The following WSB2 variants were observed in gnomAD, a reference collection of about 807,000 sequenced individuals.
WSB2 encodes the protein WD repeat and SOCS box containing 2.
A neutral mutation model predicts 48.8 loss-of-function variants in WSB2; 12 were observed. The observed-to-expected ratio is 0.25, with a 90% CI of 0.16 to 0.40. The LOEUF (loss-of-function observed/expected upper bound fraction) is 0.40. WSB2 is among the 10% of genes least tolerant of loss of function. The pLI is 1.00. For synonymous variants in WSB2, 191 were observed against 203.1 expected (o/e 0.94, Z 0.51); for missense variants, 317 against 506.2 (o/e 0.63, Z 3.59).
At chr12:118,056,492 GA>G (rs1426165422) in intron 1 of WSB2, among the ~76,000 whole-genome samples, 4 of 152,158 alleles carry the variant, frequency 2.6e-5, no homozygotes, top group Non-Finnish European at 5.9e-5. Context: ...CAACTCCAGG[GA>G]GCAAGAACTT....
In WSB2 at chr12:118,035,007, T is replaced by C. The variant is rs1349876333; in HGVS notation, c.1031A>G (p.His344Arg). 2 of 1,613,958 alleles carry C rather than the reference T, an allele frequency of 1.2e-6. No homozygotes were observed. The highest frequency in any genetic ancestry group is 2.7e-5 in the African/African-American group (2 of 74,896). ...TNGLCCTFFP[H>R]GGVIATGTRD... is the part of the protein sequence containing the mutation. ...ATACCCTGTGGCAATGACTCCACCA[T>C]GTGGAAAAAATGTGCAGCAAAGCCC... is the stretch of plus-strand genomic sequence containing the variant. Residue 344 changes from histidine (H) to arginine (R), a missense_variant, in exon 8 of 9, where the codon CAT becomes CGT. Physicochemically the swap from His to Arg is conservative, Grantham distance 29. Transcript: ENST00000315436.
In WSB2 at chr12:118,035,225, C is replaced by T. The variant is rs1197411067; in HGVS notation, c.933G>A (p.Val311=). ...FSPEGLYLAT[V]ADDRLLRIWA... is the part of the protein sequence containing the mutation. ...GTTCTCTTCGTTACCTGTCATCTGC[C>T]ACCGTGGCAAGGTACAAGCCTTCTG... is the stretch of plus-strand genomic sequence containing the variant. Residue 311 remains valine (V), a synonymous_variant, in exon 7 of 9, where the codon GTG becomes GTA. Transcript: ENST00000315436. The T allele has an allele frequency of 6.2e-7, 1 of 1,614,176 alleles. No homozygotes were observed. The highest frequency in any genetic ancestry group is 8.5e-7 in the Non-Finnish European group (1 of 1,180,034).
chr12:118,034,357 T>A lies in WSB2; in HGVS notation c.1054A>T (p.Thr352Ser), dbSNP rs1356800072. Residue 352 changes from threonine (T) to serine (S), a missense_variant and splice_region_variant, in exon 9 of 9, where the codon ACA becomes TCA. Transcript: ENST00000315436. ...FPHGGVIATG[T>S]RDGHVQFWTA... ...CAGAACTGGACGTGGCCATCTCTTGTCCTAAAATGAAACAGAAACCGATGC... is the reference window on the plus strand; with the variant it reads ...CAGAACTGGACGTGGCCATCTCTTGACCTAAAATGAAACAGAAACCGATGC... 6.2e-7 allele frequency: 1 copy of A among 1,613,194 alleles called. No homozygotes were observed. The highest frequency in any genetic ancestry group is 8.5e-7 in the Non-Finnish European group (1 of 1,179,368).
Position 118,034,364 on chromosome 12 carries a change from A to G in WSB2, c.1053-6T>C, listed in dbSNP as rs1462930585. On this transcript the variant is annotated splice_polypyrimidine_tract_variant and splice_region_variant and intron_variant, in intron 8 of 8. Transcript: ENST00000315436. ...GGACGTGGCCATCTCTTGTCCTAAA[A>G]TGAAACAGAAACCGATGCTAAGACA... The G allele has an allele frequency of 7.4e-6, 12 of 1,612,958 alleles. No homozygotes were observed. Among genetic ancestry groups the G allele is most frequent in the Non-Finnish European group, 1.0e-5 (12 of 1,179,254 alleles).
intron 2 of WSB2, among the ~76,000 whole-genome samples, chr12:118,047,638 A>G (rs975899497): frequency 4.6e-5 from 7 of 152,174 alleles, no homozygotes; most frequent in African/African-American, 1.7e-4. Flanking sequence ...ACTTGAGACA[A>G]GGAGTTCAAG....
intron 1 of WSB2, 150 bp from the exon 2 acceptor site, chr12:118,052,628 AGCCACAG>A (rs2031876644): frequency 8.5e-7 from 1 of 1,178,880 alleles, no homozygotes; most frequent in African/African-American, 1.5e-5. Flanking sequence ...CAATAACAGC[AGCCACAG>A]GCCACATTCC....
intron 1 of WSB2, among the ~76,000 whole-genome samples, chr12:118,053,441 T>C (rs2031893018): frequency 6.6e-6 from 1 of 152,206 alleles, no homozygotes; most frequent in African/African-American, 2.4e-5. Flanking sequence ...GATCTCACAC[T>C]ATCAAAACGG....
At chr12:118,056,644 T>C (rs1202575320) in intron 1 of WSB2, among the ~76,000 whole-genome samples, 2 of 152,184 alleles carry the variant, frequency 1.3e-5, no homozygotes, top group African/African-American at 2.4e-5. Context: ...CTCATGCTTG[T>C]AATCCCAACA....
At chr12:118,034,688 T>G (rs1264105350) in intron 8 of WSB2, 1 of 494,848 alleles carries the variant, frequency 2.0e-6, no homozygotes, top group East Asian at 3.5e-5. Context: ...TGTAAAGTGG[T>G]CTTTTAGCCC....
chr12:118,043,311 T>C lies in WSB2; in HGVS notation c.249A>G (p.Pro83=), dbSNP rs200081022. The C allele has an allele frequency of 3.2e-4, 522 of 1,611,282 alleles. 1 individual carries two copies. The highest frequency in any genetic ancestry group is 4.1e-4 in the Non-Finnish European group (489 of 1,178,444). ...GACCACAGTCCAGCGTCTTCTCTTTTGGGCTGCCCCGCCCTTTCGTCTCAT... is the reference window on the plus strand; with the variant it reads ...GACCACAGTCCAGCGTCTTCTCTTTCGGGCTGCCCCGCCCTTTCGTCTCAT... ...SKNETKGRGS[P]KEKTLDCGQI... is the part of the protein sequence containing the mutation. The change falls in exon 3 of 9, where the codon CCA becomes CCG. Residue 83 remains proline, a synonymous_variant. Transcript: ENST00000315436.
At chr12:118,062,037 G>T (rs1324919961), upstream of WSB2, 7 of 1,484,150 alleles carry the variant, frequency 4.7e-6, no homozygotes, top group Non-Finnish European at 5.4e-6. Context: ...CCGGAGTGGG[G>T]GTGGGAACGA....
chr12:118,042,718 T>G (rs1003768623), intron 4 of WSB2, 123 bp downstream of exon 4: 22 of 1,489,410 alleles, frequency 1.5e-5, no homozygotes, highest in Non-Finnish European at 1.8e-5. Flanking sequence ...AAAGGCTCCT[T>G]AAGGGGCAAT....
intron 1 of WSB2, among the ~76,000 whole-genome samples, chr12:118,055,174 T>C (rs945445573): frequency 6.6e-6 from 1 of 152,208 alleles, no homozygotes; most frequent in Non-Finnish European, 1.5e-5. Context: ...GCTATTTCTA[T>C]AGACCCAGGG....
chr12:118,057,671 A>G (rs1456373067), intron 1 of WSB2, among the ~76,000 whole-genome samples: 1 of 152,076 alleles, frequency 6.6e-6, no homozygotes, highest in African/African-American at 2.4e-5. Flanking sequence ...AGTCAAGCTC[A>G]TTACCATATA....
rs34549466 is a variant in WSB2, at chr12:118,035,290, C to T, written c.868G>A (p.Asp290Asn). 260 of 1,614,190 alleles carry T rather than the reference C, an allele frequency of 1.6e-4. 1 individual carries two copies. The African/African-American group carries it at 2.9e-3, about 18-fold the overall frequency. The change falls in exon 7 of 9, where the codon GAC (aspartate) becomes AAC (asparagine). Residue 290 changes from aspartate (D) to asparagine (N), a missense_variant. This residue lies in a region of WSB2 where 189 missense variants were observed against 349.6 expected (regional missense o/e 0.54). Coordinates refer to ENST00000315436, the MANE Select transcript of WSB2 (RefSeq NM_018639.5). Reference sequence around the variant, plus strand: ...GATCTCAGTGAGCTAATGTGGACGTCACTGTCATCCATGGCGGGGTCAACC... The same window carrying T: ...GATCTCAGTGAGCTAATGTGGACGTTACTGTCATCCATGGCGGGGTCAACC... ...TQVDPAMDDS[D>N]VHISSLRSVC...
At chr12:118,036,541 CA>C in intron 5 of WSB2, 31 bp from the exon 6 acceptor site, 1 of 1,589,386 alleles carries the variant, frequency 6.3e-7, no homozygotes, top group Non-Finnish European at 8.6e-7. Context: ...CTGGTTAGGG[CA>C]GAAGCAAAGT....
chr12:118,062,139 CCTG>C, upstream of WSB2: 1 of 1,535,458 alleles, frequency 6.5e-7, no homozygotes, highest in South Asian at 1.2e-5. Flanking sequence ...CCCTGAGAAA[CCTG>C]CTCTCCCTGT....
chr12:118,034,526 A>G (rs2031454500), intron 8 of WSB2, 168 bp from the exon 9 acceptor site: 1 of 749,200 alleles, frequency 1.3e-6, no homozygotes, highest in African/African-American at 1.8e-5. Context: ...GAATAATTAA[A>G]GCTGCTGATA....
rs2032046645 is a variant in WSB2 at position 118,060,777 on chromosome 12, T to A, written c.13+259A>T. Among the ~76,000 whole-genome samples, 1 of 151,510 alleles carries A rather than the reference T, an allele frequency of 6.6e-6. No individual in the cohort carries two copies. The highest frequency in any genetic ancestry group is 2.1e-4 in the South Asian group (1 of 4,796). ...CCTCTGTCCCGGTCGGGGGATCTCC[T>A]CCCGCAGAAGCCCGATCTTCCCGAT... is the stretch of plus-strand genomic sequence containing the variant. On this transcript the variant is annotated intron_variant, in intron 1 of 8. Coordinates refer to ENST00000315436, the MANE Select transcript of WSB2 (RefSeq NM_018639.5). This position sits in a 1 kb window ranked among gnomAD's most constrained non-coding sequence, Gnocchi z 4.1.
Sources: allele counts gnomAD v4.1 joint callset (sites outside exome capture counted in the v4.1 genomes callset), GRCh38; gene constraint gnomAD v4.1.1; regional missense constraint gnomAD v4.1.1; non-coding constraint Gnocchi (gnomAD v3.1); transcripts MANE v1.5; gene names NCBI Gene and HGNC (gene_info 2026-07-23, HGNC 2026-07-21).